The following SORCS2 variants were observed in gnomAD, a reference collection of about 807,000 sequenced individuals.
SORCS2 encodes sortilin related VPS10 domain containing receptor 2, also known as VPS10 domain-containing receptor SorCS2.
A neutral mutation model predicts 141.6 loss-of-function variants in SORCS2; 100 were observed. The observed-to-expected ratio is 0.71, with a 90% CI of 0.60 to 0.83. The LOEUF is 0.83. Ranked by LOEUF, SORCS2 falls within the 40% of genes least tolerant of loss-of-function variation. The probability of loss-of-function intolerance (pLI) is 0.00; values close to 1 mark genes in which losing one functional copy is unlikely to be tolerated. For missense variants in SORCS2, 1,646 were observed against 1,560.2 expected, an observed-to-expected ratio of 1.05 and a Z score of -0.93; for synonymous variants, 789 against 676.9, an observed-to-expected ratio of 1.17 and a Z score of -2.57.
Position 7,741,896 on chromosome 4 carries a change from G to A in SORCS2, c.*1632G>A, listed in dbSNP as rs1712706845. On this transcript the variant is annotated 3_prime_UTR_variant, in exon 27 of 27. Transcript: ENST00000507866. ...TTCACGCCCCAAACAGTGCCCGGTG[G>A]GGAGGAGGCACCCGCTCCTTGTTGA... 6.6e-6 allele frequency: 1 copy of A among 152,244 alleles called. No homozygotes were observed. Among genetic ancestry groups the A allele is most frequent in the Non-Finnish European group, 1.5e-5 (1 of 68,080 alleles). The allele number at this position is 152,244 out of a possible 1,614,324, so 9.4% of individuals were successfully genotyped here.
intron 1 of SORCS2, among the ~76,000 whole-genome samples, chr4:7,219,586 G>T (rs571756877): frequency 2.2e-4 from 33 of 152,344 alleles, no homozygotes; most frequent in African/African-American, 7.5e-4. Context: ...TTCACAAGGC[G>T]GCAGGAAGAA....
chr4:7,584,585 GTCTC>G (rs1716405701), intron 3 of SORCS2, among the ~76,000 whole-genome samples: 1 of 152,178 alleles, frequency 6.6e-6, no homozygotes, highest in Non-Finnish European at 1.5e-5. Flanking sequence ...TGAGTGACGA[GTCTC>G]TCTACTACTC....
intron 2 of SORCS2, among the ~76,000 whole-genome samples, chr4:7,510,193 A>G (rs559777368): frequency 3.3e-5 from 5 of 152,158 alleles, no homozygotes; most frequent in Non-Finnish European, 5.9e-5. Context: ...ACCGATGTGG[A>G]TGCAAACGCC....
At chr4:7,223,871 G>GT (rs1560122416) in intron 1 of SORCS2, among the ~76,000 whole-genome samples, 1 of 59,902 alleles carries the variant, frequency 1.7e-5, no homozygotes, top group African/African-American at 6.2e-5. Context: ...CTGTTAAGTG[G>GT]CTGTTAAGTG....
intron 3 of SORCS2, among the ~76,000 whole-genome samples, chr4:7,548,205 C>G (rs928347465): frequency 6.6e-6 from 1 of 152,164 alleles, no homozygotes; most frequent in African/African-American, 2.4e-5. Flanking sequence ...TGACCCCCAT[C>G]GCCAGCAAAG....
At chr4:7,426,481 C>G (rs572445354) in intron 2 of SORCS2, among the ~76,000 whole-genome samples, 1 of 152,170 alleles carries the variant, frequency 6.6e-6, no homozygotes, top group Non-Finnish European at 1.5e-5. Flanking sequence ...CCCAATACTT[C>G]GGGAGGCTGA....
intron 2 of SORCS2, among the ~76,000 whole-genome samples, chr4:7,489,217 TG>T (rs1731171387): frequency 1.3e-5 from 2 of 152,188 alleles, no homozygotes; most frequent in Non-Finnish European, 2.9e-5. Context: ...GGGTGCTGGG[TG>T]GCAGGAAGCT....
intron 1 of SORCS2, among the ~76,000 whole-genome samples, chr4:7,197,733 A>G (rs1168397363): frequency 6.6e-6 from 1 of 152,152 alleles, no homozygotes; most frequent in East Asian, 1.9e-4. Flanking sequence ...TTAAAAAGTC[A>G]GCTCCCGATG....
At chr4:7,465,895 C>A (rs969875721) in intron 2 of SORCS2, among the ~76,000 whole-genome samples, 3 of 152,088 alleles carry the variant, frequency 2.0e-5, no homozygotes, top group Non-Finnish European at 4.4e-5. Flanking sequence ...TCATCATTCC[C>A]GTTTTGCAGA....
intron 5 of SORCS2, among the ~76,000 whole-genome samples, chr4:7,659,289 GAA>G (rs1215109826): frequency 1.2e-4 from 16 of 138,558 alleles, no homozygotes; most frequent in African/African-American, 3.7e-4. Context: ...AAAAAAAAAA[GAA>G]AAAAAAAAAA....
At chr4:7,558,744 T>C (rs565785353) in intron 3 of SORCS2, among the ~76,000 whole-genome samples, 1 of 152,320 alleles carries the variant, frequency 6.6e-6, no homozygotes, top group South Asian at 2.1e-4. Context: ...GCTTTTGGTC[T>C]GGCCCAGGAG....
intron 3 of SORCS2, among the ~76,000 whole-genome samples, chr4:7,608,495 G>C (rs564464369): frequency 1.3e-5 from 2 of 152,242 alleles, no homozygotes; most frequent in Non-Finnish European, 2.9e-5. Flanking sequence ...GCATGTAGCT[G>C]TCACTGAAAA....
chr4:7,694,916 C>G (rs751432438), intron 11 of SORCS2, among the ~76,000 whole-genome samples: 1 of 151,868 alleles, frequency 6.6e-6, no homozygotes, highest in Non-Finnish European at 1.5e-5. Context: ...CTCGGAGGCT[C>G]TTTCCTGCCT....
intron 3 of SORCS2, among the ~76,000 whole-genome samples, chr4:7,562,953 T>A (rs1489666701): frequency 1.3e-5 from 2 of 152,236 alleles, no homozygotes; most frequent in Non-Finnish European, 1.5e-5. Flanking sequence ...CTGCAAAGTC[T>A]CTATTCCCAA....
intron 1 of SORCS2, among the ~76,000 whole-genome samples, chr4:7,369,587 TAG>T (rs1722121531): frequency 6.6e-6 from 1 of 152,144 alleles, no homozygotes; most frequent in South Asian, 2.1e-4. Context: ...ATTTCTGAGA[TAG>T]AGAGTTCAGT....
chr4:7,433,142 C>T (rs921123057), intron 2 of SORCS2: 56 of 604,552 alleles, frequency 9.3e-5, no homozygotes, highest in African/African-American at 3.8e-4. Flanking sequence ...TGTGCGGCAC[C>T]GTTGTTAAGA....
rs111420816 is a variant in SORCS2, at chr4:7,613,588, A to G, written c.649-24740A>G. Among the ~76,000 whole-genome samples, 1,034 of 152,254 alleles carry G rather than the reference A, an allele frequency of 6.8e-3. 15 individuals are homozygous for G. The highest frequency in any genetic ancestry group is 0.024 in the African/African-American group (996 of 41,548). On this transcript the variant is annotated intron_variant, in intron 3 of 26. Transcript: ENST00000507866. ...GGCCCACTAAAGAACAAAGAAGCAC[A>G]TGCACCTCACATGGCTCACCAAGAA...
intron 3 of SORCS2, among the ~76,000 whole-genome samples, chr4:7,627,925 C>T (rs546401033): frequency 1.3e-5 from 2 of 152,244 alleles, no homozygotes; most frequent in Admixed American, 1.3e-4. Flanking sequence ...CACGCAGGAA[C>T]CTTGAGAAAC....
At chr4:7,246,638 GC>G (rs1713113655) in intron 1 of SORCS2, among the ~76,000 whole-genome samples, 1 of 152,198 alleles carries the variant, frequency 6.6e-6, no homozygotes. Context: ...GTTGCCTTGG[GC>G]CTTTGCTGCT....
Sources: gnomAD v4.1 joint callset for allele counts (sites outside exome capture counted in the v4.1 genomes callset) on GRCh38, gnomAD v4.1.1 for gene constraint, MANE v1.5 for transcripts, NCBI Gene and HGNC (gene_info 2026-07-23, HGNC 2026-07-21) for gene names.